The following LAMA4 variants were observed in gnomAD, a reference collection of about 807,000 sequenced individuals.
LAMA4 encodes the protein laminin subunit alpha-4.
Under a neutral mutation model 207.1 loss-of-function variants are expected in LAMA4, and 127 were observed. The observed-to-expected ratio is 0.61, with a 90% confidence interval of 0.53 to 0.71. The LOEUF is 0.71. Ranked by LOEUF, LAMA4 falls within the 30% of genes least tolerant of loss-of-function variation. LAMA4 has a pLI of 0.00. For missense variants in LAMA4, 2,093 were observed against 2,246.5 expected (o/e 0.93, Z 1.38); for synonymous variants, 761 against 816.0 (o/e 0.93, Z 1.15).
At chr6:112,189,077 TG>T (rs782568299) in intron 7 of LAMA4, 32 bp downstream of exon 7, 1 of 1,433,012 alleles carries the variant, frequency 7.0e-7, no homozygotes, top group South Asian at 1.1e-5. Flanking sequence ...TTAGAGAAAG[TG>T]GGGTTAGTCA....
chr6:112,149,173 G>A (rs1469261752), intron 17 of LAMA4, among the ~76,000 whole-genome samples: 2 of 150,734 alleles, frequency 1.3e-5, no homozygotes, highest in African/African-American at 4.9e-5. Context: ...ATTAAAGTGA[G>A]GATATATTTC....
At chr6:112,181,043 T>A (rs1015496362) in intron 9 of LAMA4, among the ~76,000 whole-genome samples, 2 of 152,198 alleles carry the variant, frequency 1.3e-5, no homozygotes, top group African/African-American at 4.8e-5. Context: ...AGGATGGAGC[T>A]TCTCTCTTTG....
chr6:112,239,197 TG>T (rs1480408892), intron 2 of LAMA4, among the ~76,000 whole-genome samples: 1 of 151,940 alleles, frequency 6.6e-6, no homozygotes, highest in Non-Finnish European at 1.5e-5. Context: ...GGCAGGCACC[TG>T]TAGTCCCAGC....
At chr6:112,188,778 C>A (rs1782843465) in intron 7 of LAMA4, 3 of 267,646 alleles carry the variant, frequency 1.1e-5, no homozygotes, top group Non-Finnish European at 2.2e-5. Context: ...TTTTCAGGGA[C>A]CTGAAGAGAC....
intron 37 of LAMA4, among the ~76,000 whole-genome samples, chr6:112,114,448 T>C (rs1446134211): frequency 1.3e-5 from 2 of 152,196 alleles, no homozygotes; most frequent in African/African-American, 4.8e-5. Context: ...TTATGCATTA[T>C]TGAAGCAACC....
rs562719602 is a variant in LAMA4 at position 112,186,884 on chromosome 6, T to A, written c.966+566A>T. On this transcript the variant is annotated intron_variant, in intron 8 of 38. Coordinates refer to ENST00000230538, the MANE Select transcript of LAMA4 (RefSeq NM_001105206.3). ...TAATCTGTTGGCTGCTTTTAACTTGTTTACTAGGTATTAACCAGTAGAGCT... is the reference window on the plus strand; with the variant it reads ...TAATCTGTTGGCTGCTTTTAACTTGATTACTAGGTATTAACCAGTAGAGCT... 2.2e-4 allele frequency: 101 copies of A among 455,810 alleles called. 1 individual carries two copies. Among genetic ancestry groups the A allele is most frequent in the African/African-American group, 1.8e-3 (92 of 50,174 alleles). The allele number at this position is 455,810 out of a possible 1,614,324, so 28.2% of individuals were successfully genotyped here.
At chr6:112,126,467 T>C (rs1253643023) in intron 31 of LAMA4, among the ~76,000 whole-genome samples, 2 of 152,220 alleles carry the variant, frequency 1.3e-5, no homozygotes, top group Non-Finnish European at 2.9e-5. Context: ...CTGTCTTCCA[T>C]GTCAAACTCA....
At chr6:112,168,144 G>A (rs1184052259) in intron 12 of LAMA4, among the ~76,000 whole-genome samples, 1 of 150,536 alleles carries the variant, frequency 6.6e-6, no homozygotes, top group African/African-American at 2.4e-5. Flanking sequence ...CTTGCAGTGA[G>A]CTGAGATCGC....
At chr6:112,230,703 T>C (rs1554364152) in intron 2 of LAMA4, among the ~76,000 whole-genome samples, 1 of 152,204 alleles carries the variant, frequency 6.6e-6, no homozygotes, top group East Asian at 1.9e-4. Flanking sequence ...AAGTTAGTAG[T>C]TCCTTGTCTT....
chr6:112,111,507 T>C (rs993827045), intron 38 of LAMA4, among the ~76,000 whole-genome samples: 1 of 152,208 alleles, frequency 6.6e-6, no homozygotes, highest in Non-Finnish European at 1.5e-5. Flanking sequence ...TCAGTGCATT[T>C]AGGGGTTTTA....
intron 31 of LAMA4, among the ~76,000 whole-genome samples, chr6:112,124,023 T>G (rs1778533457): frequency 6.6e-6 from 1 of 152,172 alleles, no homozygotes; most frequent in African/African-American, 2.4e-5. Context: ...TCTAATGTCT[T>G]AGGAAAATTT....
intron 2 of LAMA4, among the ~76,000 whole-genome samples, chr6:112,219,840 A>G (rs1370391211): frequency 6.6e-6 from 1 of 152,158 alleles, no homozygotes; most frequent in East Asian, 1.9e-4. Flanking sequence ...GGACTTTGTG[A>G]CTTACAGAGA....
intron 9 of LAMA4, 40 bp from the exon 10 acceptor site, chr6:112,178,272 G>T: frequency 7.0e-7 from 1 of 1,437,560 alleles, no homozygotes; most frequent in Non-Finnish European, 9.8e-7. Context: ...AAATGTATGA[G>T]AAAAGAATGT....
chr6:112,221,920 G>A (rs1223178695), intron 2 of LAMA4, among the ~76,000 whole-genome samples: 2 of 152,156 alleles, frequency 1.3e-5, no homozygotes, highest in South Asian at 2.1e-4. Context: ...TATTAAATGA[G>A]TAGGTATTTC....
intron 3 of LAMA4, among the ~76,000 whole-genome samples, chr6:112,214,688 G>A (rs1365391290): frequency 1.3e-5 from 2 of 152,176 alleles, no homozygotes; most frequent in Non-Finnish European, 2.9e-5. Flanking sequence ...TTGGAACAAA[G>A]TAGTTGGAGG....
chr6:112,236,084 C>G (rs1172312062), intron 2 of LAMA4: 2 of 152,220 alleles, frequency 1.3e-5, no homozygotes. Flanking sequence ...CGTCCCTGCT[C>G]TGTGATGCAG....
intron 3 of LAMA4, among the ~76,000 whole-genome samples, chr6:112,215,401 C>T (rs1037723133): frequency 2.0e-5 from 3 of 152,186 alleles, no homozygotes; most frequent in African/African-American, 7.2e-5. Flanking sequence ...ATATCACTTT[C>T]ATGTACACAC....
chr6:112,187,671 A>T, intron 7 of LAMA4, 70 bp from the exon 8 acceptor site: 1 of 1,426,978 alleles, frequency 7.0e-7, no homozygotes, highest in Non-Finnish European at 9.7e-7. Flanking sequence ...TTAGCAGAAC[A>T]TAAATCTCTA....
At chr6:112,153,140 T>G (rs943136033) in intron 16 of LAMA4, among the ~76,000 whole-genome samples, 1 of 152,068 alleles carries the variant, frequency 6.6e-6, no homozygotes, top group Non-Finnish European at 1.5e-5. Context: ...TGAGATTATA[T>G]TGACTATCAA....
Sources: gnomAD v4.1 joint callset for allele counts (sites outside exome capture counted in the v4.1 genomes callset) on GRCh38, gnomAD v4.1.1 for gene constraint, MANE v1.5 for transcripts, NCBI Gene and HGNC (gene_info 2026-07-23, HGNC 2026-07-21) for gene names.